UNKL: variants seen among roughly 807,000 people sequenced by gnomAD.
UNKL encodes unk like zinc finger.
UNKL carries 60 observed loss-of-function variants against 78.0 expected under a neutral mutation model. That is an observed-to-expected ratio of 0.77 (90% CI 0.63 to 0.95). The LOEUF (loss-of-function observed/expected upper bound fraction) is 0.95, where lower values mean the gene tolerates loss of function less well. Ranked by LOEUF, UNKL falls within the 40% of genes least tolerant of loss-of-function variation. UNKL has a pLI of 0.00. For synonymous variants in UNKL, 608 were observed against 474.8 expected (o/e 1.28, Z -3.65); for missense variants, 1,159 against 1,045.7 (o/e 1.11, Z -1.49).
chr16:1,398,965 G>A (rs754548418), intron 5 of UNKL: 3 of 1,517,364 alleles, frequency 2.0e-6, no homozygotes, highest in South Asian at 2.5e-5. Flanking sequence ...ATTGAGCCCA[G>A]GTGACGACAG....
chr16:1,400,993 C>G (rs2009868), intron 4 of UNKL, among the ~76,000 whole-genome samples: 2 of 152,188 alleles, frequency 1.3e-5, no homozygotes, highest in Non-Finnish European at 2.9e-5. Flanking sequence ...CCAGCCTTAC[C>G]ACGTTTTTTT....
At chr16:1,404,156 A>G (rs1334500378) in intron 2 of UNKL, among the ~76,000 whole-genome samples, 2 of 152,188 alleles carry the variant, frequency 1.3e-5, no homozygotes, top group Non-Finnish European at 2.9e-5. Context: ...TGAGTCATCA[A>G]TGGTGTCGAG....
intron 10 of UNKL, chr16:1,379,553 G>A (rs1238053975): frequency 5.2e-5 from 51 of 985,052 alleles, no homozygotes; most frequent in Non-Finnish European, 5.4e-5. Context: ...GCGCACCTAA[G>A]GGAGGGCCCG....
intron 10 of UNKL, among the ~76,000 whole-genome samples, chr16:1,374,367 G>A (rs912944328): frequency 2.6e-5 from 4 of 152,170 alleles, no homozygotes; most frequent in Admixed American, 6.5e-5. Context: ...ACAGTGTGCT[G>A]CTGAGGCCTG....
At position 1,399,109 on chromosome 16, in the gene UNKL, G is replaced by T. The variant is rs910618650; in HGVS notation, c.734+265C>A. 6 of 1,208,990 alleles carry T rather than the reference G, an allele frequency of 5.0e-6. No individual in the cohort carries two copies. In the African/African-American group the frequency reaches 9.2e-5, roughly 19 times the overall value. 74.9% of individuals were successfully genotyped at this position (1,208,990 alleles called of 1,614,324 possible). A position where few individuals can be genotyped will look rare whatever the true frequency, so the allele number is the denominator to read the frequency against. ...CTTGGGGTCCCTCCTGCAGTGCTCC[G>T]TCCCCTTGCCTGGCAGAGGGGCCCC... On this transcript the variant is annotated intron_variant, in intron 5 of 14. Transcript: ENST00000389221. The surrounding 1 kb of genome is among the most constrained non-coding windows in gnomAD (Gnocchi z 5.8).
At chr16:1,376,676 G>A (rs1383506558) in intron 10 of UNKL, among the ~76,000 whole-genome samples, 1 of 143,320 alleles carries the variant, frequency 7.0e-6, no homozygotes, top group African/African-American at 2.6e-5. Flanking sequence ...GTAGCACCCT[G>A]CGATCTGTAG....
chr16:1,398,733 C>G, intron 5 of UNKL: 2 of 1,514,266 alleles, frequency 1.3e-6, no homozygotes, highest in East Asian at 2.6e-5. Flanking sequence ...CAAGCCAGGC[C>G]AGGCACAACC....
intron 4 of UNKL, 45 bp downstream of exon 4, chr16:1,401,523 G>GGGGGGCC: frequency 6.8e-7 from 1 of 1,470,314 alleles, no homozygotes; most frequent in African/African-American, 1.5e-5. Context: ...CTCGCGCTGT[G>GGGGGGCC]CCCGCCCCCC....
intron 2 of UNKL, among the ~76,000 whole-genome samples, chr16:1,413,612 T>G (rs752856782): frequency 7.9e-5 from 12 of 152,234 alleles, no homozygotes; most frequent in Admixed American, 6.5e-5. Context: ...AAAATTGGTT[T>G]GAGTCACACA....
At chr16:1,377,035 C>A (rs1002705445) in intron 10 of UNKL, among the ~76,000 whole-genome samples, 6 of 151,992 alleles carry the variant, frequency 3.9e-5, no homozygotes, top group East Asian at 1.9e-4. Flanking sequence ...CCCAGCCCCC[C>A]CAACCGAGAT....
intron 10 of UNKL, among the ~76,000 whole-genome samples, chr16:1,374,849 G>A (rs914645855): frequency 1.8e-4 from 27 of 152,332 alleles, no homozygotes; most frequent in East Asian, 1.5e-3. Context: ...CCACTCTGCC[G>A]GGGAAGACAG....
chr16:1,399,527 C>T lies in UNKL; in HGVS notation c.599-18G>A, dbSNP rs762736949. ...GTTGGCATCTGAAAAATGGGCCACA[C>T]GGTGCCTGAGCAGCGCGACTGGAAG... On this transcript the variant is annotated intron_variant, in intron 4 of 14. Coordinates refer to ENST00000389221, the MANE Select transcript of UNKL (RefSeq NM_001372107.1). This position sits in a 1 kb window ranked among gnomAD's most constrained non-coding sequence, Gnocchi z 5.8. 36 of 1,584,376 alleles carry T rather than the reference C, an allele frequency of 2.3e-5. No individual in the cohort carries two copies. The highest frequency in any genetic ancestry group is 1.7e-4 in the Middle Eastern group (1 of 5,838).
intron 10 of UNKL, among the ~76,000 whole-genome samples, chr16:1,378,569 G>A (rs1391142863): frequency 6.6e-6 from 1 of 152,228 alleles, no homozygotes. Context: ...AGAGTGCGCA[G>A]CATGTGGAGG....
In UNKL at chr16:1,413,905, G is replaced by A; in HGVS notation, c.228C>T (p.Ser76=). The A allele has an allele frequency of 6.4e-7, 1 of 1,558,984 alleles. No individual in the cohort carries two copies. The highest frequency in any genetic ancestry group is 8.7e-7 in the Non-Finnish European group (1 of 1,151,608). ...TGTACTTGGAGCAGTACACGTCGGG[G>A]CTGTAGTTGAAGGTGCCGTCGCGCC... ...LRRRDGTFNY[S]PDVYCSKYNE... The change falls in exon 2 of 15, where the codon AGC becomes AGT. Residue 76 remains serine (S), a synonymous_variant. Transcript: ENST00000389221.
intron 10 of UNKL, among the ~76,000 whole-genome samples, chr16:1,376,218 C>A (rs2036210495): frequency 1.4e-5 from 2 of 143,290 alleles, no homozygotes; most frequent in African/African-American, 5.2e-5. Context: ...AAGGCTGGGG[C>A]ATGCTCCTCC....
At position 1,366,291 on chromosome 16, in the gene UNKL, C is replaced by T. The variant is rs781604063; in HGVS notation, c.2151G>A (p.Ala717=). The change falls in exon 15 of 15, where the codon GCG becomes GCA. Residue 717 remains alanine (A), a synonymous_variant. Transcript: ENST00000389221. ...AGTAGGGGCACTCAGGTGCGGTGGCCGCACACGGCTCACAGAGGATGTGGT... is the reference window on the plus strand; with the variant it reads ...AGTAGGGGCACTCAGGTGCGGTGGCTGCACACGGCTCACAGAGGATGTGGT... ...CQHHILCEPC[A]ATAPECPYCK... The T allele has an allele frequency of 7.1e-5, 114 of 1,597,050 alleles. No individual in the cohort carries two copies. In the East Asian group the frequency reaches 1.9e-3, roughly 27 times the overall value.
chr16:1,388,421 T>C (rs2036907453), intron 9 of UNKL, among the ~76,000 whole-genome samples: 1 of 152,068 alleles, frequency 6.6e-6, no homozygotes, highest in Non-Finnish European at 1.5e-5. Flanking sequence ...AGGAGGGGAC[T>C]CCACCCCGGA....
At chr16:1,370,530 C>T (rs1013326194) in intron 11 of UNKL, among the ~76,000 whole-genome samples, 173 bp from the exon 12 acceptor site, 2 of 152,136 alleles carry the variant, frequency 1.3e-5, no homozygotes, top group Admixed American at 6.6e-5. Flanking sequence ...GGAGCCACAG[C>T]GCCCCCGGTG....
In UNKL at chr16:1,396,612, G is replaced by A. The variant is rs759863008; in HGVS notation, c.852+566C>T. On this transcript the variant is annotated intron_variant, in intron 6 of 14. Coordinates refer to ENST00000389221, the MANE Select transcript of UNKL (RefSeq NM_001372107.1). Reference sequence around the variant, plus strand: ...TTTTTTTCTTTTTCTTTTTTTTCCTGAGGCAGAGTCTTGCTCTGTTGCCCA... The same window carrying A: ...TTTTTTTCTTTTTCTTTTTTTTCCTAAGGCAGAGTCTTGCTCTGTTGCCCA... 7.3e-5 allele frequency among the ~76,000 whole-genome samples: 11 copies of A among 151,480 alleles called. No homozygotes were observed. The East Asian group carries it at 2.1e-3, about 29-fold the overall frequency.
Sources: allele counts gnomAD v4.1 joint callset (sites outside exome capture counted in the v4.1 genomes callset), GRCh38; gene constraint gnomAD v4.1.1; non-coding constraint Gnocchi (gnomAD v3.1); transcripts MANE v1.5; gene names NCBI Gene and HGNC (gene_info 2026-07-23, HGNC 2026-07-21).